Variants in KCNJ18 observed in about 807,000 individuals in gnomAD.
KCNJ18 encodes inward rectifier potassium channel 18.
Under a neutral mutation model 17.3 loss-of-function variants are expected in KCNJ18, and 16 were observed. The ratio of observed to expected loss-of-function variants is 0.92; its 90% CI spans 0.62 to 1.40. The LOEUF is 1.40. KCNJ18 is among the 40% of genes most tolerant of loss of function. The probability of loss-of-function intolerance (pLI) is 0.00; values close to 1 mark genes in which losing one functional copy is unlikely to be tolerated. For missense variants in KCNJ18, 462 were observed against 626.8 expected (o/e 0.74, Z 2.81); for synonymous variants, 185 against 262.6 (o/e 0.70, Z 2.86).
At chr17:21,698,608 T>C (rs1272007016) in intron 2 of KCNJ18, among the ~76,000 whole-genome samples, 3 of 152,194 alleles carry the variant, frequency 2.0e-5, no homozygotes, top group East Asian at 3.9e-4. Flanking sequence ...TCCTCCCAGA[T>C]GTCACCGAAA....
rs1473165377 is a variant in KCNJ18 at position 21,699,857 on chromosome 17, G to C, written c.-56-2874G>C. 3.9e-5 allele frequency among the ~76,000 whole-genome samples: 6 copies of C among 152,400 alleles called. No homozygotes were observed. The South Asian group carries it at 1.0e-3, about 26-fold the overall frequency. ...CAGCTACTGGGAGCACATGCAGACC[G>C]GGCTCTCTGGCCTTTAATTCTTGTG... On this transcript the variant is annotated intron_variant, in intron 2 of 2. Transcript: ENST00000567955.
At chr17:21,701,765 G>T (rs1378027505) in intron 2 of KCNJ18, among the ~76,000 whole-genome samples, 1 of 152,262 alleles carries the variant, frequency 6.6e-6, no homozygotes, top group Non-Finnish European at 1.5e-5. Context: ...ACAAAAGTTA[G>T]CTGGATGTGG....
At chr17:21,701,917 GAAAAAAA>G (rs1158263106) in intron 2 of KCNJ18, among the ~76,000 whole-genome samples, 4 of 26,242 alleles carry the variant, frequency 1.5e-4, no homozygotes, top group African/African-American at 3.6e-4. Flanking sequence ...GTCTAAAAAA[GAAAAAAA>G]AAAGAAAAAA....
chr17:21,695,503 AC>A (rs1408166623), intron 1 of KCNJ18, among the ~76,000 whole-genome samples: 1 of 152,144 alleles, frequency 6.6e-6, no homozygotes, highest in African/African-American at 2.4e-5. Flanking sequence ...TCATTCATCC[AC>A]CCCCCCAGCT....
rs2142274609 is a variant in KCNJ18 at position 21,704,250 on chromosome 17, G to A, written c.*162G>A. ...TCTTTGCAAAGGCCTCAGAAGGTTG[G>A]CCGGAGAGGGGGCAGCCAGAGCGGC... is the stretch of plus-strand genomic sequence containing the variant. On this transcript the variant is annotated 3_prime_UTR_variant, in exon 3 of 3. Transcript: ENST00000567955. The A allele has an allele frequency of 9.9e-6, 9 of 911,798 alleles. No individual in the cohort carries two copies. In the East Asian group the frequency reaches 2.2e-4, roughly 22 times the overall value. 56.5% of individuals were successfully genotyped at this position (911,798 alleles called of 1,614,324 possible). A position where few individuals can be genotyped will look rare whatever the true frequency, so the allele number is the denominator to read the frequency against.
chr17:21,703,123 G>T lies in KCNJ18; in HGVS notation c.337G>T (p.Glu113Ter). 4.3e-6 allele frequency: 7 copies of T among 1,611,878 alleles called. No homozygotes were observed. Among genetic ancestry groups the T allele is most frequent in the Non-Finnish European group, 5.9e-6 (7 of 1,179,608 alleles). ...CATCGCGGTGGCACACGGTGACCTG[G>T]AGCCGGCTGAGGGCCACGGCCGCAC... ...WVIAVAHGDL[E>*]PAEGHGRTPC... The change falls in exon 3 of 3, where the codon GAG becomes TAG. Residue 113 changes from glutamate to a stop codon, truncating the protein, a stop_gained. Transcript: ENST00000567955. LOFTEE classifies it high-confidence loss of function.
In KCNJ18 at chr17:21,703,261, G is replaced by A. The variant is rs1484861594; in HGVS notation, c.475G>A (p.Val159Ile). ...TGTGACGGAGGAGTGCCTGGTGGCC[G>A]TCTTCATGGTGGTGGCCCAGTCCAT... Reference protein sequence around the residue: ...RCVTEECLVAVFMVVAQSIVG... With the variant: ...RCVTEECLVAIFMVVAQSIVG... Residue 159 changes from valine to isoleucine, a missense_variant, in exon 3 of 3, where the codon GTC becomes ATC. Physicochemically the swap from Val to Ile is conservative, Grantham distance 29. Coordinates refer to ENST00000567955, the MANE Select transcript of KCNJ18 (RefSeq NM_001194958.2). 5.0e-5 allele frequency: 80 copies of A among 1,609,664 alleles called. No homozygotes were observed. The highest frequency in any genetic ancestry group is 1.7e-4 in the Middle Eastern group (1 of 6,052).
At position 21,693,274 on chromosome 17, in the gene KCNJ18, C is replaced by T. The variant is rs1410565721; in HGVS notation, c.-179+560C>T. Among the ~76,000 whole-genome samples the T allele has an allele frequency of 2.0e-5, 3 of 152,280 alleles. No individual in the cohort carries two copies. In the South Asian group the frequency reaches 6.2e-4, roughly 31 times the overall value. ...TGACTTCAGGAAATTCGCTTCTCTG[C>T]TCTACGTCTCAGTACCCCTGTGTAG... On this transcript the variant is annotated intron_variant, in intron 1 of 2. Coordinates refer to ENST00000567955, the MANE Select transcript of KCNJ18 (RefSeq NM_001194958.2).
chr17:21,703,260 C>G lies in KCNJ18; in HGVS notation c.474C>G (p.Ala158=), dbSNP rs1481773222. The change falls in exon 3 of 3, where the codon GCC becomes GCG. Residue 158 remains alanine (A), a synonymous_variant. Transcript: ENST00000567955. ...LRCVTEECLV[A]VFMVVAQSIV... is the part of the protein sequence containing the mutation. ...GTGTGACGGAGGAGTGCCTGGTGGC[C>G]GTCTTCATGGTGGTGGCCCAGTCCA... The G allele has an allele frequency of 3.4e-4, 547 of 1,609,954 alleles. 4 individuals carry two copies. The African/African-American group carries it at 6.1e-3, about 18-fold the overall frequency.
At chr17:21,694,740 C>A (rs1347546775) in intron 1 of KCNJ18, among the ~76,000 whole-genome samples, 1 of 151,898 alleles carries the variant, frequency 6.6e-6, no homozygotes, top group Non-Finnish European at 1.5e-5. Flanking sequence ...ATACACTCAT[C>A]CACCTGTCCA....
chr17:21,699,138 C>T (rs1199827987), intron 2 of KCNJ18, among the ~76,000 whole-genome samples: 1 of 152,212 alleles, frequency 6.6e-6, no homozygotes, highest in Non-Finnish European at 1.5e-5. Context: ...AAATGGGGAG[C>T]CAGCCTTCTT....
intron 2 of KCNJ18, among the ~76,000 whole-genome samples, chr17:21,702,479 G>C (rs1905992312): frequency 6.6e-6 from 1 of 152,200 alleles, no homozygotes; most frequent in Non-Finnish European, 1.5e-5. Context: ...ATCCTAAATA[G>C]ACTCTTCAGA....
At chr17:21,698,289 C>T (rs1302066581) in intron 2 of KCNJ18, among the ~76,000 whole-genome samples, 1 of 151,938 alleles carries the variant, frequency 6.6e-6, no homozygotes, top group African/African-American at 2.4e-5. Context: ...CCTAGGCTTC[C>T]GTCTGCTCAT....
At chr17:21,694,372 C>T (rs1461721382) in intron 1 of KCNJ18, among the ~76,000 whole-genome samples, 9 of 151,824 alleles carry the variant, frequency 5.9e-5, no homozygotes, top group African/African-American at 4.8e-5. Context: ...ATCCCTTTGA[C>T]AGGTGGGGAA....
Position 21,704,163 on chromosome 17 carries a change from T to G in KCNJ18, c.*75T>G, listed in dbSNP as rs1250169515. 9 of 1,441,678 alleles carry G rather than the reference T, an allele frequency of 6.2e-6. No homozygotes were observed. The highest frequency in any genetic ancestry group is 8.3e-6 in the Non-Finnish European group (9 of 1,090,224). 89.3% of individuals were successfully genotyped at this position (1,441,678 alleles called of 1,614,324 possible). Reference sequence around the variant, plus strand: ...CGCGGTCGCTCAGGGGCCCTGGGTTTGAGCAGAACGGGCCCAGTGCCCTGG... The same window carrying G: ...CGCGGTCGCTCAGGGGCCCTGGGTTGGAGCAGAACGGGCCCAGTGCCCTGG... On this transcript the variant is annotated 3_prime_UTR_variant, in exon 3 of 3. Transcript: ENST00000567955.
In KCNJ18 at chr17:21,696,054, GACAGTACCGTGCCT is replaced by G. The variant is rs1343249896; in HGVS notation, c.-104_-91del. ...CAGCCACTACTAATTCAGCCTTGAA[GACAGTACCGTGCCT>G]ACTCAGCACCATTACGTAGAAGACA... On this transcript the variant is annotated 5_prime_UTR_variant, in exon 2 of 3. It removes the in-frame stop codon of an upstream open reading frame in the 5' UTR. Coordinates refer to ENST00000567955, the MANE Select transcript of KCNJ18 (RefSeq NM_001194958.2). 2.0e-5 allele frequency: 3 copies of G among 152,358 alleles called. No homozygotes were observed. The highest frequency in any genetic ancestry group is 4.4e-5 in the Non-Finnish European group (3 of 68,114). The allele number at this position is 152,358 out of a possible 1,614,324, so 9.4% of individuals were successfully genotyped here.
intron 1 of KCNJ18, among the ~76,000 whole-genome samples, chr17:21,695,695 A>T (rs1905738724): frequency 6.6e-6 from 1 of 152,308 alleles, no homozygotes; most frequent in South Asian, 2.1e-4. Flanking sequence ...GAGATGATGT[A>T]TGTAAAATGC....
chr17:21,700,069 C>G (rs1470183607), intron 2 of KCNJ18, among the ~76,000 whole-genome samples: 1 of 152,288 alleles, frequency 6.6e-6, no homozygotes, highest in Non-Finnish European at 1.5e-5. Context: ...TGGGGCTGAG[C>G]CCCTTTCCCA....
Position 21,703,010 on chromosome 17 carries a change from G to A in KCNJ18, c.224G>A (p.Cys75Tyr), listed in dbSNP as rs1396215516. 2.5e-6 allele frequency: 4 copies of A among 1,611,868 alleles called. No individual in the cohort carries two copies. The highest frequency in any genetic ancestry group is 3.4e-6 in the Non-Finnish European group (4 of 1,179,416). ...QRYLADMFTT[C>Y]VDIRWRYMLL... is the part of the protein sequence containing the mutation. ...TACCTGGCTGACATGTTCACCACCT[G>A]TGTGGACATCCGCTGGCGCTACATG... is the stretch of plus-strand genomic sequence containing the variant. Residue 75 changes from cysteine to tyrosine, a missense_variant, in exon 3 of 3, where the codon TGT becomes TAT. Physicochemically the swap from Cys to Tyr is radical, Grantham distance 194 (BLOSUM62 -2). This residue lies in a region of KCNJ18 where 237 missense variants were observed against 259.4 expected (regional missense o/e 0.91). Coordinates refer to ENST00000567955, the MANE Select transcript of KCNJ18 (RefSeq NM_001194958.2).
Sources: allele counts gnomAD v4.1 joint callset (sites outside exome capture counted in the v4.1 genomes callset), GRCh38; gene constraint gnomAD v4.1.1; regional missense constraint gnomAD v4.1.1; transcripts MANE v1.5; gene names NCBI Gene and HGNC (gene_info 2026-07-23, HGNC 2026-07-21).